ZNF804A: variants seen among roughly 807,000 people sequenced by gnomAD.
ZNF804A encodes the protein zinc finger protein 804A.
A neutral mutation model predicts 16.5 loss-of-function variants in ZNF804A; 2 were observed. The observed-to-expected ratio is 0.12, with a 90% CI of 0.05 to 0.38. The LOEUF is 0.38. Ranked by LOEUF, ZNF804A falls within the 10% of genes least tolerant of loss-of-function variation. The pLI, the probability that ZNF804A is intolerant of heterozygous loss-of-function variation, is 0.99. For synonymous variants in ZNF804A, 534 were observed against 489.6 expected, an observed-to-expected ratio of 1.09 and a Z score of -1.20; for missense variants, 1,473 against 1,390.7, an observed-to-expected ratio of 1.06 and a Z score of -0.94.
chr2:184,935,739 TCAAA>T, intron 3 of ZNF804A, 40 bp from the exon 4 acceptor site: 1 of 1,495,874 alleles, frequency 6.7e-7, no homozygotes, highest in African/African-American at 1.4e-5. Context: ...TTTTTTTTTC[TCAAA>T]AGTGTGCTAT....
intron 1 of ZNF804A, among the ~76,000 whole-genome samples, chr2:184,821,038 A>G (rs1026214549): frequency 2.0e-5 from 3 of 152,098 alleles, no homozygotes; most frequent in Non-Finnish European, 4.4e-5. Flanking sequence ...ATTATCATTG[A>G]CAGTCTTAAA....
At chr2:184,873,032 T>C (rs1695998577) in intron 2 of ZNF804A, among the ~76,000 whole-genome samples, 1 of 152,186 alleles carries the variant, frequency 6.6e-6, no homozygotes, top group African/African-American at 2.4e-5. Flanking sequence ...TGATTGATTA[T>C]CCTTATTTTT....
At chr2:184,643,485 T>A (rs554523351) in intron 1 of ZNF804A, among the ~76,000 whole-genome samples, 1 of 151,972 alleles carries the variant, frequency 6.6e-6, no homozygotes, top group Admixed American at 6.6e-5. Context: ...TTCCCTGATA[T>A]TGTCTTATTC....
intron 1 of ZNF804A, among the ~76,000 whole-genome samples, chr2:184,655,139 C>G (rs888064616): frequency 2.6e-5 from 4 of 152,126 alleles, no homozygotes; most frequent in African/African-American, 9.7e-5. Flanking sequence ...ATATGATTCC[C>G]ACCATTGGAA....
At chr2:184,763,630 C>CTCTTT (rs1491488788) in intron 1 of ZNF804A, among the ~76,000 whole-genome samples, 23 of 21,260 alleles carry the variant, frequency 1.1e-3, no homozygotes, top group Non-Finnish European at 1.6e-3. Flanking sequence ...CTTCAAAGTG[C>CTCTTT]TTTTTTTTTT....
At chr2:184,933,321 A>T (rs1559007188) in intron 2 of ZNF804A, among the ~76,000 whole-genome samples, 1 of 152,226 alleles carries the variant, frequency 6.6e-6, no homozygotes, top group Non-Finnish European at 1.5e-5. Flanking sequence ...TTACGCAGAG[A>T]AACAGCAGGA....
intron 1 of ZNF804A, among the ~76,000 whole-genome samples, chr2:184,794,618 C>A (rs1694603395): frequency 6.6e-6 from 1 of 151,934 alleles, no homozygotes; most frequent in Non-Finnish European, 1.5e-5. Flanking sequence ...GGTATACAGG[C>A]AACAAATAGC....
At chr2:184,814,090 T>C (rs575097883) in intron 1 of ZNF804A, among the ~76,000 whole-genome samples, 33 of 144,122 alleles carry the variant, frequency 2.3e-4, no homozygotes, top group Non-Finnish European at 4.5e-4. Flanking sequence ...CAAAAGAGTG[T>C]GTATTGGCTG....
intron 2 of ZNF804A, among the ~76,000 whole-genome samples, chr2:184,913,944 T>C (rs558856907): frequency 3.3e-5 from 5 of 152,310 alleles, no homozygotes; most frequent in African/African-American, 1.2e-4. Context: ...TCCGTTCAGA[T>C]TCCTCAGGCT....
At chr2:184,639,364 G>A (rs1291062800) in intron 1 of ZNF804A, among the ~76,000 whole-genome samples, 5 of 151,752 alleles carry the variant, frequency 3.3e-5, no homozygotes, top group East Asian at 2.0e-4. Context: ...ATCAGCCACC[G>A]CGCCTGGCCT....
chr2:184,662,478 T>C (rs2105707157), intron 1 of ZNF804A, among the ~76,000 whole-genome samples: 1 of 152,350 alleles, frequency 6.6e-6, no homozygotes, highest in South Asian at 2.1e-4. Flanking sequence ...TCTACTTGGC[T>C]ATTTGAGAAA....
In ZNF804A at chr2:184,938,405, A is replaced by T. The variant is rs150204094; in HGVS notation, c.3009A>T (p.Pro1003=). ...RYNSGILNTQ[P]PLPFKEAHVS... ...ATTCAGGAATCCTTAACACACAACC[A>T]CCATTACCATTCAAAGAAGCACATG... Residue 1003 remains proline (P), a synonymous_variant, in exon 4 of 4, where the codon CCA becomes CCT. Coordinates refer to ENST00000302277, the MANE Select transcript of ZNF804A (RefSeq NM_194250.2). 1.3e-4 allele frequency: 213 copies of T among 1,614,030 alleles called. No homozygotes were observed. The African/African-American group carries it at 2.7e-3, about 20-fold the overall frequency.
At chr2:184,628,402 C>A (rs1691543760) in intron 1 of ZNF804A, among the ~76,000 whole-genome samples, 1 of 151,712 alleles carries the variant, frequency 6.6e-6, no homozygotes, top group Non-Finnish European at 1.5e-5. Context: ...TGTTTAAAAG[C>A]AGATATGGAA....
chr2:184,736,520 T>C (rs369548258), intron 1 of ZNF804A, among the ~76,000 whole-genome samples: 131 of 152,030 alleles, frequency 8.6e-4, no homozygotes, highest in African/African-American at 3.0e-3. Context: ...AAATACCACA[T>C]GGGAGTTCAA....
Position 184,664,409 on chromosome 2 carries a change from CATAAA to C in ZNF804A, c.111+65345_111+65349del, listed in dbSNP as rs780149674. On this transcript the variant is annotated intron_variant, in intron 1 of 3. Transcript: ENST00000302277. ...CACAAGTAAAATGGACATAATTCAA[CATAAA>C]ATAAATGTTATTTATAATTCTAACT... Among the ~76,000 whole-genome samples, 56 of 152,028 alleles carry C rather than the reference CATAAA, an allele frequency of 3.7e-4. 1 individual carries two copies. The highest frequency in any genetic ancestry group is 1.9e-3 in the Admixed American group (29 of 15,266).
chr2:184,628,776 A>G (rs1226197808), intron 1 of ZNF804A, among the ~76,000 whole-genome samples: 1 of 152,140 alleles, frequency 6.6e-6, no homozygotes, highest in East Asian at 1.9e-4. Flanking sequence ...ACCTAGAAAT[A>G]GAATTGCCAG....
At chr2:184,718,540 A>G (rs1159427562) in intron 1 of ZNF804A, among the ~76,000 whole-genome samples, 1 of 152,144 alleles carries the variant, frequency 6.6e-6, no homozygotes, top group East Asian at 1.9e-4. Flanking sequence ...TACTTCCTAG[A>G]TACAATGGGG....
intron 1 of ZNF804A, among the ~76,000 whole-genome samples, chr2:184,694,275 A>T (rs6746720): frequency 6.6e-6 from 1 of 151,938 alleles, no homozygotes; most frequent in East Asian, 1.9e-4. Flanking sequence ...TCCTAAAGTA[A>T]CATCTTCTGT....
intron 1 of ZNF804A, among the ~76,000 whole-genome samples, chr2:184,857,542 T>C (rs1695717945): frequency 6.6e-6 from 1 of 152,114 alleles, no homozygotes; most frequent in African/African-American, 2.4e-5. Context: ...TGATTTTCTG[T>C]CTGAATGAAC....
Sources: gnomAD v4.1 joint callset for allele counts (sites outside exome capture counted in the v4.1 genomes callset) on GRCh38, gnomAD v4.1.1 for gene constraint, MANE v1.5 for transcripts, NCBI Gene and HGNC (gene_info 2026-07-23, HGNC 2026-07-21) for gene names.